Variants in ACSL3 observed in about 807,000 individuals in gnomAD.
The protein encoded by ACSL3 is acyl-CoA synthetase long chain family member 3.
ACSL3 carries 34 observed loss-of-function variants against 84.7 expected under a neutral mutation model. The ratio of observed to expected loss-of-function variants is 0.40; its 90% CI spans 0.31 to 0.53. The LOEUF (loss-of-function observed/expected upper bound fraction) is 0.53, where lower values mean the gene tolerates loss of function less well. Among genes scored for constraint, ACSL3 ranks in the 20% least tolerant of loss-of-function variants. ACSL3 has a pLI of 0.48. For missense variants in ACSL3, 680 were observed against 873.1 expected, an observed-to-expected ratio of 0.78 and a Z score of 2.79; for synonymous variants, 315 against 299.4, an observed-to-expected ratio of 1.05 and a Z score of -0.54.
rs560754815 is a variant in ACSL3 at position 222,933,353 on chromosome 2, CCTT to C, written c.1847+77_1847+79del. 3.8e-4 allele frequency: 396 copies of C among 1,051,456 alleles called. 1 individual carries two copies. Among genetic ancestry groups the C allele is most frequent in the Non-Finnish European group, 4.4e-4 (320 of 724,336 alleles). The allele number at this position is 1,051,456 out of a possible 1,614,324, so 65.1% of individuals were successfully genotyped here. ...CATAGACATTTCCTACCTGTATGGA[CCTT>C]CTTTGTAAAAATGTTCCGAGAACTC... On this transcript the variant is annotated intron_variant, in intron 15 of 16. Transcript: ENST00000357430.
chr2:222,885,142 T>C (rs1695689257), intron 1 of ACSL3, among the ~76,000 whole-genome samples: 2 of 152,202 alleles, frequency 1.3e-5, no homozygotes, highest in Non-Finnish European at 2.9e-5. Context: ...TAACATTTAT[T>C]GAGGGCCAAT....
intron 1 of ACSL3, among the ~76,000 whole-genome samples, chr2:222,867,050 GT>G (rs924441522): frequency 5.3e-5 from 8 of 151,866 alleles, no homozygotes; most frequent in African/African-American, 1.9e-4. Context: ...GGCCAGGCTG[GT>G]CTCTAACTCC....
intron 3 of ACSL3, among the ~76,000 whole-genome samples, chr2:222,901,964 A>AAAAAATG (rs57522671): frequency 0.33 from 32,338 of 96,736 alleles, 8,928 homozygotes; most frequent in Admixed American, 0.43. Context: ...AAAAAAAAAA[A>AAAAAATG]GAACTCAAAT....
intron 16 of ACSL3, among the ~76,000 whole-genome samples, chr2:222,939,004 CGTT>C: frequency 6.6e-6 from 1 of 151,448 alleles, no homozygotes; most frequent in Non-Finnish European, 1.5e-5. Flanking sequence ...TTTGTTCATG[CGTT>C]GTTTTCTTGT....
chr2:222,931,301 C>T (rs1223507792), intron 14 of ACSL3, among the ~76,000 whole-genome samples: 2 of 151,770 alleles, frequency 1.3e-5, no homozygotes, highest in Admixed American at 1.3e-4. Context: ...GTAATCCCAG[C>T]TACTTGGGAG....
rs949688624 is a variant in ACSL3 at position 222,906,214 on chromosome 2, T to G, written c.-40-2519T>G. Reference sequence around the variant, plus strand: ...TTTGTTTATTCTGCACAGTGTACCCTCAGATGTTTCTCCTCAAGAGGGTAC... The same window carrying G: ...TTTGTTTATTCTGCACAGTGTACCCGCAGATGTTTCTCCTCAAGAGGGTAC... On this transcript the variant is annotated intron_variant, in intron 3 of 16. Transcript: ENST00000357430. Among the ~76,000 whole-genome samples, 64 of 152,194 alleles carry G rather than the reference T, an allele frequency of 4.2e-4. 1 individual carries two copies. Among genetic ancestry groups the G allele is most frequent in the Admixed American group, 4.2e-3 (64 of 15,280 alleles).
intron 4 of ACSL3, 31 bp downstream of exon 4, chr2:222,909,181 T>C: frequency 6.4e-7 from 1 of 1,572,828 alleles, no homozygotes; most frequent in Non-Finnish European, 8.6e-7. Flanking sequence ...CTTTGAATTC[T>C]TTCGAATAAA....
intron 10 of ACSL3, 40 bp downstream of exon 10, chr2:222,923,189 G>A: frequency 6.7e-7 from 1 of 1,498,198 alleles, no homozygotes; most frequent in Non-Finnish European, 9.3e-7. Context: ...TATTAAAGAA[G>A]TATCACCCGC....
chr2:222,867,291 A>G (rs1332717617), intron 1 of ACSL3, among the ~76,000 whole-genome samples: 8 of 152,284 alleles, frequency 5.3e-5, no homozygotes, highest in East Asian at 1.9e-4. Flanking sequence ...TTTTAACTAA[A>G]ATATTGACGC....
intron 2 of ACSL3, among the ~76,000 whole-genome samples, chr2:222,892,217 G>T (rs1227574349): frequency 1.3e-5 from 2 of 152,168 alleles, no homozygotes; most frequent in South Asian, 2.1e-4. Context: ...GTTAGTCTGT[G>T]TGTTGTTGAT....
At chr2:222,883,099 A>T (rs1242886533) in intron 1 of ACSL3, among the ~76,000 whole-genome samples, 1 of 149,842 alleles carries the variant, frequency 6.7e-6, no homozygotes. Context: ...ACCTCCTTTT[A>T]TTCTGATATG....
chr2:222,920,902 C>A (rs1696716253), intron 7 of ACSL3: 1 of 456,332 alleles, frequency 2.2e-6, no homozygotes. Context: ...TTATTTCCTT[C>A]TAATTAGAAC....
chr2:222,931,151 T>A lies in ACSL3; in HGVS notation c.1732+339T>A, dbSNP rs548396131. Among the ~76,000 whole-genome samples the A allele has an allele frequency of 2.6e-5, 4 of 152,140 alleles. No homozygotes were observed. The East Asian group carries it at 7.7e-4, about 29-fold the overall frequency. ...CCTTGCCTTGCCCTGCCCAGGAGAA[T>A]AGAGGAAAGCCAGGCAGCTCAAGTA... On this transcript the variant is annotated intron_variant, in intron 14 of 16. Transcript: ENST00000357430.
intron 15 of ACSL3, 151 bp from the exon 16 acceptor site, chr2:222,934,379 C>T (rs781333384): frequency 1.4e-4 from 71 of 517,450 alleles, no homozygotes; most frequent in East Asian, 2.4e-4. Flanking sequence ...GTAAAACTGG[C>T]GGTTGCATGA....
chr2:222,933,384 C>A, intron 15 of ACSL3, 104 bp downstream of exon 15: 2 of 756,854 alleles, frequency 2.6e-6, no homozygotes, highest in South Asian at 2.1e-5. Context: ...GAGAACTCTT[C>A]CTATCTGTTA....
chr2:222,894,359 G>A (rs184605864), intron 2 of ACSL3, among the ~76,000 whole-genome samples: 72 of 152,248 alleles, frequency 4.7e-4, no homozygotes, highest in African/African-American at 1.7e-3. Context: ...TAAAACAATT[G>A]CTAATTAAAA....
chr2:222,904,197 G>A (rs372743397), intron 3 of ACSL3, among the ~76,000 whole-genome samples: 1 of 152,106 alleles, frequency 6.6e-6, no homozygotes, highest in Admixed American at 6.5e-5. Context: ...CTTGAACCTG[G>A]GAGGCGGAGG....
chr2:222,941,150 G>C (rs919189538), intron 16 of ACSL3, among the ~76,000 whole-genome samples: 2 of 152,066 alleles, frequency 1.3e-5, no homozygotes, highest in Non-Finnish European at 2.9e-5. Flanking sequence ...GGCTGGCCTT[G>C]AATTCCTGGC....
At chr2:222,886,154 C>T (rs1404513584) in intron 1 of ACSL3, among the ~76,000 whole-genome samples, 1 of 35,376 alleles carries the variant, frequency 2.8e-5, no homozygotes, top group Non-Finnish European at 4.7e-5. Context: ...GTTTGCTGCA[C>T]CTTTCAACCC....
Sources: allele counts gnomAD v4.1 joint callset (sites outside exome capture counted in the v4.1 genomes callset), GRCh38; gene constraint gnomAD v4.1.1; transcripts MANE v1.5; gene names NCBI Gene and HGNC (gene_info 2026-07-23, HGNC 2026-07-21).